MAF: variants seen among roughly 807,000 people sequenced by gnomAD.
MAF encodes the protein transcription factor Maf.
Under a neutral mutation model 22.0 loss-of-function variants are expected in MAF, and 10 were observed. The observed-to-expected ratio is 0.45, with a 90% CI of 0.28 to 0.77. MAF has a LOEUF of 0.77. Ranked by LOEUF, MAF falls within the 30% of genes least tolerant of loss-of-function variation. The pLI, the probability that MAF is intolerant of heterozygous loss-of-function variation, is 0.12. For missense variants in MAF, 544 were observed against 548.4 expected (o/e 0.99, Z 0.08); for synonymous variants, 337 against 255.8 (o/e 1.32, Z -3.03).
chr16:79,277,770 A>T, the MAF span, among the ~76,000 whole-genome samples: 1 of 152,154 alleles, frequency 6.6e-6, no homozygotes, highest in Non-Finnish European at 1.5e-5. Flanking sequence ...TTCTGTAATA[A>T]CGCCTGTGTG....
chr16:79,345,311 G>T, the MAF span, among the ~76,000 whole-genome samples: 8 of 152,122 alleles, frequency 5.3e-5, no homozygotes, highest in Non-Finnish European at 1.0e-4. Flanking sequence ...AATCAATTTT[G>T]TTTAATCCTC....
At chr16:79,418,283 T>G in the MAF span, among the ~76,000 whole-genome samples, 1 of 152,090 alleles carries the variant, frequency 6.6e-6, no homozygotes, top group Admixed American at 6.6e-5. Flanking sequence ...CATTTCTCAT[T>G]ATCTGGGGAC....
the MAF span, among the ~76,000 whole-genome samples, chr16:79,530,115 T>A: frequency 2.0e-5 from 3 of 152,236 alleles, no homozygotes; most frequent in African/African-American, 7.2e-5. Flanking sequence ...ACAAGTGAAT[T>A]AGTATTACTA....
At chr16:79,489,853 G>A in the MAF span, among the ~76,000 whole-genome samples, 23 of 152,304 alleles carry the variant, frequency 1.5e-4, no homozygotes, top group East Asian at 4.1e-3. Flanking sequence ...TTCTAACGGT[G>A]ACTCTGGGCA....
Position 79,600,547 on chromosome 16 carries a change from G to A in MAF, c.-645C>T, listed in dbSNP as rs527697087. The A allele has an allele frequency of 6.7e-5, 13 of 194,768 alleles. No homozygotes were observed. Among genetic ancestry groups the A allele is most frequent in the Non-Finnish European group, 1.4e-4 (12 of 84,442 alleles). The allele number at this position is 194,768 out of a possible 1,614,324, so 12.1% of individuals were successfully genotyped here. On this transcript the variant is annotated 5_prime_UTR_variant, in exon 1 of 2. Transcript: ENST00000326043. ...CCTCTGTGCAAAGTGCAAGGCAGAG[G>A]TGCAGCCCGACTGGAGGAGAGGGAG...
At chr16:79,456,299 T>A in the MAF span, among the ~76,000 whole-genome samples, 1 of 152,148 alleles carries the variant, frequency 6.6e-6, no homozygotes, top group Admixed American at 6.6e-5. Context: ...CTCACTCCCA[T>A]TATGCCCCCT....
the MAF span, among the ~76,000 whole-genome samples, chr16:79,415,098 C>T: frequency 3.9e-5 from 6 of 152,170 alleles, no homozygotes; most frequent in South Asian, 2.1e-4. Flanking sequence ...CTGCAGGAAG[C>T]GAGAACTAGA....
the MAF span, among the ~76,000 whole-genome samples, chr16:79,443,847 G>C: frequency 6.6e-6 from 1 of 151,772 alleles, no homozygotes; most frequent in Admixed American, 6.6e-5. Flanking sequence ...ATTTAAATGA[G>C]GTAGGTAACA....
chr16:79,334,992 C>G, the MAF span, among the ~76,000 whole-genome samples: 1 of 151,724 alleles, frequency 6.6e-6, no homozygotes, highest in Non-Finnish European at 1.5e-5. Context: ...TGAGACCAGC[C>G]TGGCCAACAT....
the MAF span, among the ~76,000 whole-genome samples, chr16:79,315,821 T>C: frequency 6.6e-6 from 1 of 152,240 alleles, no homozygotes; most frequent in African/African-American, 2.4e-5. Context: ...CTACATTCCT[T>C]TTCATTAATT....
chr16:79,453,358 G>A, the MAF span, among the ~76,000 whole-genome samples: 52 of 152,186 alleles, frequency 3.4e-4, no homozygotes, highest in African/African-American at 9.4e-4. Flanking sequence ...GATGGCATCC[G>A]GTAACAATTT....
At chr16:79,580,074 C>T in the MAF span, among the ~76,000 whole-genome samples, 12 of 152,088 alleles carry the variant, frequency 7.9e-5, no homozygotes, top group East Asian at 3.9e-4. Flanking sequence ...CTCTCTTGAA[C>T]AGAGTGACAT....
At chr16:79,207,997 T>C in the MAF span, among the ~76,000 whole-genome samples, 1 of 152,206 alleles carries the variant, frequency 6.6e-6, no homozygotes, top group African/African-American at 2.4e-5. Context: ...GGGCCTCAAC[T>C]ATAAATAAAC....
At chr16:79,513,816 A>G in the MAF span, among the ~76,000 whole-genome samples, 8 of 152,138 alleles carry the variant, frequency 5.3e-5, no homozygotes, top group African/African-American at 1.4e-4. Flanking sequence ...TGCTTTTCCA[A>G]CCCAGTGAAG....
chr16:79,350,635 A>G, the MAF span, among the ~76,000 whole-genome samples: 1 of 152,132 alleles, frequency 6.6e-6, no homozygotes, highest in Non-Finnish European at 1.5e-5. Context: ...CCCAGCCAAC[A>G]GTGGGCTGGA....
chr16:79,304,146 C>T, the MAF span, among the ~76,000 whole-genome samples: 1 of 152,172 alleles, frequency 6.6e-6, no homozygotes, highest in Non-Finnish European at 1.5e-5. Flanking sequence ...TCTGTGTTTA[C>T]CTGACAATGT....
the MAF span, among the ~76,000 whole-genome samples, chr16:79,312,142 A>T: frequency 6.6e-6 from 1 of 152,002 alleles, no homozygotes; most frequent in Non-Finnish European, 1.5e-5. Context: ...CATCATCATC[A>T]TTACAAAAGT....
the MAF span, among the ~76,000 whole-genome samples, chr16:79,410,991 G>C: frequency 2.0e-5 from 3 of 152,146 alleles, no homozygotes; most frequent in Admixed American, 1.3e-4. Context: ...ATCGGTCTTA[G>C]GGACCTTAAA....
chr16:79,340,097 G>A, the MAF span, among the ~76,000 whole-genome samples: 1 of 152,066 alleles, frequency 6.6e-6, no homozygotes, highest in Non-Finnish European at 1.5e-5. Flanking sequence ...TTACTACGGG[G>A]AACTCTAGCC....
Sources: allele counts gnomAD v4.1 joint callset (sites outside exome capture counted in the v4.1 genomes callset), GRCh38; gene constraint gnomAD v4.1.1; transcripts MANE v1.5; gene names NCBI Gene and HGNC (gene_info 2026-07-23, HGNC 2026-07-21).